HYDIN: variants seen among roughly 807,000 people sequenced by gnomAD.
The protein encoded by HYDIN is HYDIN axonemal central pair apparatus protein, also known as axonemal central pair apparatus protein HYDIN.
A neutral mutation model predicts 403.9 loss-of-function variants in HYDIN; 132 were observed. The observed-to-expected ratio is 0.33, with a 90% CI of 0.28 to 0.38. The LOEUF (loss-of-function observed/expected upper bound fraction) is 0.38, where lower values mean the gene tolerates loss of function less well. HYDIN is among the 10% of genes least tolerant of loss of function. HYDIN has a pLI of 1.00. For missense variants in HYDIN, 2,827 were observed against 5,009.5 expected (o/e 0.56, Z 13.15); for synonymous variants, 1,202 against 1,891.7 (o/e 0.64, Z 9.46).
At chr16:71,066,483 T>C (rs1331124206) in intron 15 of HYDIN, 4 of 161,678 alleles carry the variant, frequency 2.5e-5, no homozygotes, top group Non-Finnish European at 4.1e-5. Flanking sequence ...GAGATTGACA[T>C]ATTAGCATGA....
rs183038651 is a variant in HYDIN, at chr16:70,837,865, G to A, written c.13067C>T (p.Thr4356Ile). 2 of 1,613,906 alleles carry A rather than the reference G, an allele frequency of 1.2e-6. No individual in the cohort carries two copies. The highest frequency in any genetic ancestry group is 2.2e-5 in the South Asian group (2 of 91,058). ...ACGGGAGTTCACCTCGAGGTGAGTG[G>A]TGTTGGTGTACAGACAATCTATGCT... Reference protein sequence around the residue: ...PMSIDCLYTNTTHLEVNSRVD... With the variant: ...PMSIDCLYTNITHLEVNSRVD... Residue 4356 changes from threonine to isoleucine, a missense_variant, in exon 77 of 86, where the codon ACC (threonine) becomes ATC (isoleucine). Transcript: ENST00000393567.
intron 43 of HYDIN, 82 bp from the exon 44 acceptor site, chr16:70,938,837 T>C (rs2077579732): frequency 2.0e-6 from 3 of 1,470,342 alleles, no homozygotes; most frequent in Non-Finnish European, 1.9e-6. Flanking sequence ...AGTAGGGTCT[T>C]AGTGTGGGGC....
At chr16:70,809,138 A>T (rs1400513955) in intron 85 of HYDIN, among the ~76,000 whole-genome samples, 1 of 151,972 alleles carries the variant, frequency 6.6e-6, no homozygotes, top group East Asian at 1.9e-4. Context: ...CTGGTCTTCA[A>T]CTCCTGGCTA....
intron 39 of HYDIN, among the ~76,000 whole-genome samples, chr16:70,958,125 T>A (rs1281498188): frequency 6.6e-6 from 1 of 152,094 alleles, no homozygotes; most frequent in Non-Finnish European, 1.5e-5. Flanking sequence ...CTTAATCCCC[T>A]CTCTGAGGTC....
chr16:71,181,321 C>G (rs2086895656), intron 3 of HYDIN, among the ~76,000 whole-genome samples: 1 of 151,716 alleles, frequency 6.6e-6, no homozygotes, highest in South Asian at 2.1e-4. Context: ...TTTGCTATAT[C>G]AGGTAGCACA....
chr16:70,951,289 G>GGA (rs541452705), intron 41 of HYDIN, among the ~76,000 whole-genome samples: 12 of 135,832 alleles, frequency 8.8e-5, no homozygotes, highest in Admixed American at 2.9e-4. Flanking sequence ...AGGGAGAGAG[G>GGA]GAGAGAGAGA....
Position 70,807,857 on chromosome 16 carries a change from A to C in HYDIN, c.15089T>G (p.Phe5030Cys). 1 of 1,614,146 alleles carries C rather than the reference A, an allele frequency of 6.2e-7. No individual in the cohort carries two copies. Among genetic ancestry groups the C allele is most frequent in the Non-Finnish European group, 8.5e-7 (1 of 1,180,010 alleles). ...TATGCTGTACCCGGCTCGGATCGAG[A>C]AGGGACCTTGGGGCTTGGGAGGCAG... is the stretch of plus-strand genomic sequence containing the variant. ...MALPPKPQGP[F>C]SIRAGYSIII... is the part of the protein sequence containing the mutation. Residue 5030 changes from phenylalanine to cysteine, a missense_variant, in exon 86 of 86, where the codon TTC becomes TGC. Phe to Cys is a radical substitution (Grantham distance 205, BLOSUM62 -2). Transcript: ENST00000393567.
At chr16:71,217,866 G>T (rs972308705) in intron 1 of HYDIN, among the ~76,000 whole-genome samples, 1 of 152,122 alleles carries the variant, frequency 6.6e-6, no homozygotes, top group Non-Finnish European at 1.5e-5. Context: ...TCCAAGAGAG[G>T]GACCACTGGC....
chr16:70,899,906 G>A (rs552932686), intron 53 of HYDIN, among the ~76,000 whole-genome samples: 3 of 151,504 alleles, frequency 2.0e-5, no homozygotes, highest in East Asian at 3.9e-4. Context: ...GTGCGTGGGA[G>A]CCAATGATTG....
At chr16:70,930,609 G>C (rs1159229306) in intron 45 of HYDIN, among the ~76,000 whole-genome samples, 1 of 152,192 alleles carries the variant, frequency 6.6e-6, no homozygotes, top group Non-Finnish European at 1.5e-5. Context: ...CAAAGAAGAG[G>C]AACCCCGCAT....
chr16:70,902,821 A>ATATATATATATTTTTTTTTTT, intron 52 of HYDIN, among the ~76,000 whole-genome samples: 1 of 47,314 alleles, frequency 2.1e-5, no homozygotes, highest in African/African-American at 1.2e-4. Context: ...ATATATATAT[A>ATATATATATATTTTTTTTTTT]TTTTTTTTTT....
intron 5 of HYDIN, among the ~76,000 whole-genome samples, chr16:71,163,248 G>A (rs201046589): frequency 8.7e-5 from 13 of 149,194 alleles, no homozygotes; most frequent in African/African-American, 1.7e-4. Context: ...TCGGCCTCCC[G>A]AGTAGCTGGG....
chr16:70,858,766 C>A (rs62049822), intron 71 of HYDIN, among the ~76,000 whole-genome samples: 1,067 of 152,306 alleles, frequency 7.0e-3, no homozygotes, highest in African/African-American at 0.025. Context: ...CTCTTGGAAC[C>A]GAGCTCACAT....
intron 75 of HYDIN, among the ~76,000 whole-genome samples, chr16:70,847,916 T>C (rs1311238044): frequency 6.6e-6 from 1 of 150,992 alleles, no homozygotes; most frequent in Non-Finnish European, 1.5e-5. Flanking sequence ...TTACATGTAT[T>C]TTGCTATGCT....
intron 23 of HYDIN, among the ~76,000 whole-genome samples, chr16:70,995,811 G>A (rs1399843403): frequency 2.0e-5 from 3 of 152,248 alleles, no homozygotes; most frequent in South Asian, 2.1e-4. Context: ...TTCTGGGAGC[G>A]TCCACTACAG....
At chr16:71,135,327 T>G (rs2084875333) in intron 8 of HYDIN, among the ~76,000 whole-genome samples, 1 of 150,898 alleles carries the variant, frequency 6.6e-6, no homozygotes, top group Admixed American at 6.6e-5. Context: ...CTAAAATCAA[T>G]GCCCATCCAC....
chr16:70,872,225 T>C (rs2040154322), intron 64 of HYDIN, 46 bp from the exon 65 acceptor site: 1 of 833,124 alleles, frequency 1.2e-6, no homozygotes, highest in Middle Eastern at 3.6e-4. Context: ...TGGCCTCCCC[T>C]GAGGGCCTGC....
At chr16:71,103,191 C>G (rs1206112655) in intron 10 of HYDIN, among the ~76,000 whole-genome samples, 1 of 39,754 alleles carries the variant, frequency 2.5e-5, no homozygotes, top group Non-Finnish European at 3.9e-5. Flanking sequence ...AGGACAGGGA[C>G]CAGGACTGTC....
chr16:71,004,785 T>C (rs2079842199), intron 23 of HYDIN, among the ~76,000 whole-genome samples: 1 of 152,052 alleles, frequency 6.6e-6, no homozygotes, highest in Admixed American at 6.6e-5. Context: ...CTGAAAAGAG[T>C]TTAAGTTTGA....
Sources: gnomAD v4.1 joint callset for allele counts (sites outside exome capture counted in the v4.1 genomes callset) on GRCh38, gnomAD v4.1.1 for gene constraint, MANE v1.5 for transcripts, NCBI Gene and HGNC (gene_info 2026-07-23, HGNC 2026-07-21) for gene names.